The following FTO variants were observed in gnomAD, a reference collection of about 807,000 sequenced individuals.
FTO encodes FTO alpha-ketoglutarate dependent dioxygenase.
FTO carries 47 observed loss-of-function variants against 63.9 expected under a neutral mutation model. The observed-to-expected ratio is 0.74, with a 90% CI of 0.58 to 0.94. FTO has a LOEUF of 0.94. Ranked by LOEUF, FTO falls within the 40% of genes least tolerant of loss-of-function variation. FTO has a pLI of 0.00. For missense variants in FTO, 562 were observed against 618.1 expected (o/e 0.91, Z 0.96); for synonymous variants, 207 against 224.4 (o/e 0.92, Z 0.69).
chr16:53,900,588 A>G (rs1202521140), intron 7 of FTO, among the ~76,000 whole-genome samples: 3 of 130,428 alleles, frequency 2.3e-5, no homozygotes, highest in South Asian at 2.5e-4. Context: ...CATCCCAGTC[A>G]TTTAATCATT....
intron 1 of FTO, among the ~76,000 whole-genome samples, chr16:53,721,650 A>T (rs568178562): frequency 3.9e-5 from 6 of 152,216 alleles, no homozygotes; most frequent in Non-Finnish European, 8.8e-5. Context: ...ATGTCATCAT[A>T]TAAGTCAGTC....
At chr16:54,062,348 G>A (rs147001496) in intron 8 of FTO, among the ~76,000 whole-genome samples, 2 of 152,280 alleles carry the variant, frequency 1.3e-5, no homozygotes, top group Non-Finnish European at 2.9e-5. Context: ...CTTCTGAACT[G>A]GGTATTGTAG....
intron 1 of FTO, among the ~76,000 whole-genome samples, chr16:53,772,258 C>G (rs1392067744): frequency 6.6e-6 from 1 of 151,972 alleles, no homozygotes; most frequent in African/African-American, 2.4e-5. Context: ...TTTTGTTCCT[C>G]TAACAGGGCA....
At chr16:53,960,463 T>G (rs2083047029) in intron 8 of FTO, among the ~76,000 whole-genome samples, 1 of 152,222 alleles carries the variant, frequency 6.6e-6, no homozygotes, top group Non-Finnish European at 1.5e-5. Flanking sequence ...GTATGAATTT[T>G]TATCTCCCAT....
At chr16:53,927,533 GT>G (rs2082175961) in intron 7 of FTO, among the ~76,000 whole-genome samples, 1 of 152,158 alleles carries the variant, frequency 6.6e-6, no homozygotes, top group African/African-American at 2.4e-5. Flanking sequence ...GATGTCCGCA[GT>G]CTACAGGGAA....
rs76762929 is a variant in FTO at position 53,844,182 on chromosome 16, C to T, written c.779C>T (p.Ser260Phe). 1.2e-6 allele frequency: 2 copies of T among 1,613,798 alleles called. No individual in the cohort carries two copies. Among genetic ancestry groups the T allele is most frequent in the African/African-American group, 2.7e-5 (2 of 75,032 alleles). ...CCTGAAGAGGAAAGTGAGGATGACT[C>T]TCATCTCGAAGGCAGGGATCCTGAT... ...EGPEEESEDD[S>F]HLEGRDPDIW... The change falls in exon 4 of 9, where the codon TCT becomes TTT. Residue 260 changes from serine to phenylalanine, a missense_variant. By Grantham distance (155) the Ser-to-Phe change is radical. Transcript: ENST00000471389.
intron 7 of FTO, among the ~76,000 whole-genome samples, chr16:53,892,219 T>C (rs1390662051): frequency 6.6e-6 from 1 of 151,994 alleles, no homozygotes; most frequent in Non-Finnish European, 1.5e-5. Flanking sequence ...AGATTTCTAC[T>C]TGGTACCAGC....
intron 8 of FTO, among the ~76,000 whole-genome samples, chr16:54,007,342 G>A (rs972162024): frequency 8.5e-5 from 13 of 152,132 alleles, no homozygotes; most frequent in African/African-American, 1.7e-4. Flanking sequence ...AAGAATGGTC[G>A]TGTAGTAGAG....
At chr16:53,893,608 A>G (rs1329487729) in intron 7 of FTO, among the ~76,000 whole-genome samples, 1 of 152,162 alleles carries the variant, frequency 6.6e-6, no homozygotes, top group African/African-American at 2.4e-5. Context: ...ACAGAAAAGA[A>G]TGCTAGGTGC....
chr16:53,950,665 G>T (rs923634700), intron 8 of FTO, among the ~76,000 whole-genome samples: 1 of 152,200 alleles, frequency 6.6e-6, no homozygotes, highest in African/African-American at 2.4e-5. Context: ...TAATTCAAAT[G>T]ATGCGGTAAC....
intron 1 of FTO, among the ~76,000 whole-genome samples, chr16:53,717,002 T>C: frequency 6.6e-6 from 1 of 151,794 alleles, no homozygotes; most frequent in South Asian, 2.1e-4. Context: ...ACTCTGCTTT[T>C]TTTTACCATC....
chr16:53,882,242 A>T (rs2080857761), intron 6 of FTO, among the ~76,000 whole-genome samples: 1 of 152,196 alleles, frequency 6.6e-6, no homozygotes, highest in Non-Finnish European at 1.5e-5. Context: ...CACGTGCCAG[A>T]CACTCTTCTG....
chr16:53,929,461 G>C (rs563492209), intron 7 of FTO, among the ~76,000 whole-genome samples: 1 of 152,236 alleles, frequency 6.6e-6, no homozygotes, highest in African/African-American at 2.4e-5. Flanking sequence ...CATTTAGATT[G>C]TTTCCAGTTT....
At chr16:53,918,504 C>T (rs1418117579) in intron 7 of FTO, among the ~76,000 whole-genome samples, 1 of 152,152 alleles carries the variant, frequency 6.6e-6, no homozygotes. Context: ...CATTATATGA[C>T]ACACAACTCT....
intron 8 of FTO, among the ~76,000 whole-genome samples, chr16:54,105,291 T>C (rs538678663): frequency 6.6e-6 from 1 of 152,360 alleles, no homozygotes; most frequent in Admixed American, 6.5e-5. Flanking sequence ...ATAGTCCTTC[T>C]AGAAACTGGA....
chr16:53,720,135 G>A (rs1285083279), intron 1 of FTO, among the ~76,000 whole-genome samples: 4 of 152,052 alleles, frequency 2.6e-5, no homozygotes, highest in Admixed American at 1.3e-4. Context: ...GGCTAAACTT[G>A]TAGTCTCACA....
intron 1 of FTO, among the ~76,000 whole-genome samples, chr16:53,761,656 T>G (rs1325409755): frequency 6.6e-6 from 1 of 152,200 alleles, no homozygotes; most frequent in African/African-American, 2.4e-5. Flanking sequence ...CTACTTTCTC[T>G]GAAATACTGT....
chr16:54,104,101 C>T (rs1033221232), intron 8 of FTO, among the ~76,000 whole-genome samples: 1 of 152,138 alleles, frequency 6.6e-6, no homozygotes, highest in Non-Finnish European at 1.5e-5. Flanking sequence ...ACATTTGCCA[C>T]ACAAATACAC....
chr16:53,779,217 T>C (rs534300197), intron 1 of FTO, among the ~76,000 whole-genome samples: 8 of 152,308 alleles, frequency 5.3e-5, no homozygotes, highest in African/African-American at 1.9e-4. Flanking sequence ...TAACTGATCA[T>C]GTAATAGAAG....
Sources: gnomAD v4.1 joint callset for allele counts (sites outside exome capture counted in the v4.1 genomes callset) on GRCh38, gnomAD v4.1.1 for gene constraint, MANE v1.5 for transcripts, NCBI Gene and HGNC (gene_info 2026-07-23, HGNC 2026-07-21) for gene names.